RUNX1: variants seen among roughly 807,000 people sequenced by gnomAD.
RUNX1 encodes the protein runt-related transcription factor 1.
RUNX1 carries 19 observed loss-of-function variants against 42.8 expected under a neutral mutation model. The observed-to-expected ratio is 0.44, with a 90% confidence interval of 0.31 to 0.65. The LOEUF (loss-of-function observed/expected upper bound fraction) is 0.65. Among genes scored for constraint, RUNX1 ranks in the 30% least tolerant of loss-of-function variants. RUNX1 has a pLI of 0.07. For missense variants in RUNX1, 528 were observed against 672.0 expected (o/e 0.79, Z 2.37); for synonymous variants, 271 against 289.4 (o/e 0.94, Z 0.64).
chr21:34,939,939 C>T (rs1005486913), intron 2 of RUNX1, among the ~76,000 whole-genome samples: 6 of 152,122 alleles, frequency 3.9e-5, no homozygotes, highest in South Asian at 2.1e-4. Context: ...TCTCCCCTTC[C>T]TATTTTCTTT....
chr21:34,893,721 T>A lies in RUNX1; in HGVS notation c.59-758A>T, dbSNP rs1473005304. ...AAAGACAGGATTTGAGCATTTCAAA[T>A]GCTGCAGACCTAAAGCTTTCAACTC... On this transcript the variant is annotated intron_variant, in intron 2 of 8. Transcript: ENST00000675419. Among the ~76,000 whole-genome samples the A allele has an allele frequency of 4.0e-5, 6 of 151,528 alleles. 1 individual carries two copies. Among genetic ancestry groups the A allele is most frequent in the African/African-American group, 1.5e-4 (6 of 41,220 alleles).
At chr21:34,960,538 A>G (rs927858431) in intron 2 of RUNX1, among the ~76,000 whole-genome samples, 1 of 152,204 alleles carries the variant, frequency 6.6e-6, no homozygotes, top group Non-Finnish European at 1.5e-5. Flanking sequence ...TACATCTGTC[A>G]GTGTTATAAA....
intron 7 of RUNX1, chr21:34,821,423 T>C (rs1601392272): frequency 7.5e-7 from 1 of 1,331,890 alleles, no homozygotes; most frequent in East Asian, 2.6e-5. Flanking sequence ...GTGCATCAAG[T>C]GATTTCTGCA....
intron 2 of RUNX1, 31 bp from the exon 3 acceptor site, chr21:34,892,994 T>G (rs775336883): frequency 2.1e-6 from 3 of 1,451,646 alleles, no homozygotes; most frequent in Non-Finnish European, 2.9e-6. Flanking sequence ...AAAATAAAAG[T>G]AATGCAAGTT....
chr21:34,830,535 G>A (rs1344120248), intron 7 of RUNX1, among the ~76,000 whole-genome samples: 2 of 152,166 alleles, frequency 1.3e-5, no homozygotes, highest in Non-Finnish European at 2.9e-5. Context: ...TTTGGTGATT[G>A]GGATTCTTCT....
intron 2 of RUNX1, among the ~76,000 whole-genome samples, chr21:34,936,512 G>A (rs969371091): frequency 1.3e-5 from 2 of 152,150 alleles, no homozygotes; most frequent in Non-Finnish European, 1.5e-5. Flanking sequence ...CAGGATGGGC[G>A]TCCCCATAGA....
intron 4 of RUNX1, among the ~76,000 whole-genome samples, chr21:34,886,615 T>C (rs754811038): frequency 1.3e-5 from 2 of 152,220 alleles, no homozygotes; most frequent in Non-Finnish European, 2.9e-5. Flanking sequence ...GACACCCTGA[T>C]GTTTTCAGCC....
chr21:35,040,948 A>T (rs190373889), intron 2 of RUNX1, among the ~76,000 whole-genome samples: 21 of 152,228 alleles, frequency 1.4e-4, no homozygotes, highest in Non-Finnish European at 1.5e-5. Context: ...GGATCTACTA[A>T]CAATGAAAAA....
chr21:34,920,349 T>C (rs1001275167), intron 2 of RUNX1, among the ~76,000 whole-genome samples: 30 of 152,192 alleles, frequency 2.0e-4, no homozygotes, highest in African/African-American at 7.2e-4. Flanking sequence ...GATTGTCCCA[T>C]TTCTGCACAA....
chr21:34,984,047 G>A (rs1423536025), intron 2 of RUNX1, among the ~76,000 whole-genome samples: 4 of 152,140 alleles, frequency 2.6e-5, no homozygotes, highest in Non-Finnish European at 5.9e-5. Context: ...AATAAGGCCA[G>A]CACCCAGAAA....
chr21:35,027,366 G>T (rs528846682), intron 2 of RUNX1, among the ~76,000 whole-genome samples: 1 of 152,358 alleles, frequency 6.6e-6, no homozygotes, highest in East Asian at 1.9e-4. Flanking sequence ...CTGGGCTGAG[G>T]CCTCAGATTC....
At chr21:34,889,129 T>C (rs1020172505) in intron 3 of RUNX1, among the ~76,000 whole-genome samples, 1 of 119,610 alleles carries the variant, frequency 8.4e-6, no homozygotes, top group African/African-American at 3.2e-5. Flanking sequence ...GCAGGCGCAG[T>C]GGCCGCCACG....
intron 2 of RUNX1, among the ~76,000 whole-genome samples, chr21:34,999,351 G>A (rs1188362929): frequency 6.6e-6 from 1 of 152,190 alleles, no homozygotes; most frequent in East Asian, 1.9e-4. Context: ...TGTCTGTTTT[G>A]GAAGTGTTGC....
intron 2 of RUNX1, among the ~76,000 whole-genome samples, chr21:34,943,191 T>C (rs1193828983): frequency 6.6e-6 from 1 of 152,224 alleles, no homozygotes; most frequent in Non-Finnish European, 1.5e-5. Context: ...TCATTCTGAC[T>C]GTTCTACTGT....
chr21:34,941,579 TCTTGTCTTCTCATGTATGA>T (rs1451579664), intron 2 of RUNX1, among the ~76,000 whole-genome samples: 1 of 152,234 alleles, frequency 6.6e-6, no homozygotes, highest in African/African-American at 2.4e-5. Context: ...CTTTCAAAAT[TCTTGTCTTCTCATGTATGA>T]CATGTTAAGA....
rs139247840 is a variant in RUNX1, at chr21:35,048,063, T to C, written c.58+779A>G. Among the ~76,000 whole-genome samples, 8 of 152,334 alleles carry C rather than the reference T, an allele frequency of 5.3e-5. 1 individual carries two copies. The East Asian group carries it at 1.2e-3, about 22-fold the overall frequency. ...AGGTTTTCCACCCTGGCTGTTCCTA[T>C]TCATAAGCCTGTAATCTAACGACTT... is the stretch of plus-strand genomic sequence containing the variant. On this transcript the variant is annotated intron_variant, in intron 2 of 8. Transcript: ENST00000675419.
At chr21:35,003,529 T>TA (rs1569146751) in intron 2 of RUNX1, among the ~76,000 whole-genome samples, 1 of 142,984 alleles carries the variant, frequency 7.0e-6, no homozygotes, top group South Asian at 2.1e-4. Context: ...CTTTTTTTTT[T>TA]TAAAAAAAAA....
At chr21:34,952,400 T>C (rs953829231) in intron 2 of RUNX1, among the ~76,000 whole-genome samples, 1 of 151,934 alleles carries the variant, frequency 6.6e-6, no homozygotes, top group African/African-American at 2.4e-5. Flanking sequence ...AAAGAAAATA[T>C]ATACATGGCT....
Position 34,976,272 on chromosome 21 carries a change from T to C in RUNX1, c.58+72570A>G, listed in dbSNP as rs575341438. ...TTTATTAGCACATATCTTGCAAGAG[T>C]ATATCATCAACTGCCTTTCCCAAAT... On this transcript the variant is annotated intron_variant, in intron 2 of 8. Coordinates refer to ENST00000675419, the MANE Select transcript of RUNX1 (RefSeq NM_001754.5). Among the ~76,000 whole-genome samples the C allele has an allele frequency of 1.4e-4, 22 of 152,234 alleles. 1 individual carries two copies. The highest frequency in any genetic ancestry group is 4.6e-4 in the Admixed American group (7 of 15,284).
Sources: allele counts gnomAD v4.1 joint callset (sites outside exome capture counted in the v4.1 genomes callset), GRCh38; gene constraint gnomAD v4.1.1; transcripts MANE v1.5; gene names NCBI Gene and HGNC (gene_info 2026-07-23, HGNC 2026-07-21).